The following CTNNA3 variants were observed in gnomAD, a reference collection of about 807,000 sequenced individuals.
The protein encoded by CTNNA3 is catenin alpha-3.
In CTNNA3, 76 loss-of-function variants were observed where a neutral mutation model predicts 95.7. The ratio of observed to expected loss-of-function variants is 0.79; its 90% confidence interval spans 0.66 to 0.96. The LOEUF is 0.96. Among genes scored for constraint, CTNNA3 ranks in the 40% least tolerant of loss-of-function variants. The pLI, the probability that CTNNA3 is intolerant of heterozygous loss-of-function variation, is 0.00. For synonymous variants in CTNNA3, 431 were observed against 374.4 expected (o/e 1.15, Z -1.74); for missense variants, 1,191 against 1,089.8 (o/e 1.09, Z -1.31).
At chr10:67,149,539 T>C (rs1860997646) in intron 7 of CTNNA3, among the ~76,000 whole-genome samples, 1 of 152,144 alleles carries the variant, frequency 6.6e-6, no homozygotes, top group Admixed American at 6.6e-5. Context: ...GAGCCGAGAT[T>C]GCGCCACTGC....
chr10:66,304,544 T>A lies in CTNNA3; in HGVS notation c.1733-23923A>T, dbSNP rs147303264. ...CACTAATAATCCATACGCTCATCAGTAGTACAATAAATATATTTCGATACA... is the reference window on the plus strand; with the variant it reads ...CACTAATAATCCATACGCTCATCAGAAGTACAATAAATATATTTCGATACA... On this transcript the variant is annotated intron_variant, in intron 12 of 17. Coordinates refer to ENST00000433211, the MANE Select transcript of CTNNA3 (RefSeq NM_013266.4). Among the ~76,000 whole-genome samples the A allele has an allele frequency of 2.4e-3, 363 of 152,240 alleles. 4 individuals are homozygous for A. Among genetic ancestry groups the A allele is most frequent in the African/African-American group, 8.4e-3 (351 of 41,550 alleles).
chr10:66,904,782 A>C (rs954227153), intron 7 of CTNNA3, among the ~76,000 whole-genome samples: 5 of 152,248 alleles, frequency 3.3e-5, no homozygotes, highest in Admixed American at 6.5e-5. Context: ...GCTCATCATC[A>C]CTGGTCATCA....
At chr10:66,080,644 G>C (rs2080720316) in intron 14 of CTNNA3, among the ~76,000 whole-genome samples, 1 of 152,102 alleles carries the variant, frequency 6.6e-6, no homozygotes. Context: ...TTCACTGACT[G>C]AGTTAAACAG....
intron 9 of CTNNA3, among the ~76,000 whole-genome samples, chr10:66,643,530 C>G (rs1845588130): frequency 6.6e-6 from 1 of 152,170 alleles, no homozygotes; most frequent in African/African-American, 2.4e-5. Context: ...AATATCATTA[C>G]TAACCCCAAC....
intron 17 of CTNNA3, 38 bp from the exon 18 acceptor site, chr10:65,920,655 G>A: frequency 6.3e-7 from 1 of 1,591,470 alleles, no homozygotes; most frequent in African/African-American, 1.4e-5. Flanking sequence ...TATTATTCCA[G>A]GAGGTTTTGT....
At chr10:66,235,415 T>G (rs1277877215) in intron 13 of CTNNA3, among the ~76,000 whole-genome samples, 1 of 151,144 alleles carries the variant, frequency 6.6e-6, no homozygotes, top group Non-Finnish European at 1.5e-5. Context: ...TAAGATATAA[T>G]ACCAACTTAT....
chr10:66,707,718 A>G (rs1284162395), intron 9 of CTNNA3, among the ~76,000 whole-genome samples: 2 of 152,128 alleles, frequency 1.3e-5, no homozygotes, highest in African/African-American at 4.8e-5. Context: ...AATAAGTGAC[A>G]AGGTGGTAGA....
chr10:66,445,207 C>A, intron 11 of CTNNA3, among the ~76,000 whole-genome samples: 1 of 151,744 alleles, frequency 6.6e-6, no homozygotes, highest in East Asian at 1.9e-4. Flanking sequence ...ACTTAGACTC[C>A]CACACAATAA....
In CTNNA3 at chr10:67,564,677, GTATATATATATATATATATATATATA is replaced by G. The variant is rs71006151; in HGVS notation, c.293-25034_293-25009del. Among the ~76,000 whole-genome samples the G allele has an allele frequency of 3.1e-4, 19 of 61,308 alleles. 1 individual carries two copies. The South Asian group carries it at 4.1e-3, about 13-fold the overall frequency. 40.2% of individuals were successfully genotyped at this position (61,308 alleles called of 152,430 possible). Reference sequence around the variant, plus strand: ...TATATGCATATATGTGTGTGTGTGTGTATATATATATATATATATATATATATATATATATATATATCACTATGATC... The same window carrying G: ...TATATGCATATATGTGTGTGTGTGTGTATATATATATATATCACTATGATC... On this transcript the variant is annotated intron_variant, in intron 3 of 17. Coordinates refer to ENST00000433211, the MANE Select transcript of CTNNA3 (RefSeq NM_013266.4).
chr10:65,933,568 G>T (rs1425664908), intron 17 of CTNNA3, among the ~76,000 whole-genome samples: 1 of 152,144 alleles, frequency 6.6e-6, no homozygotes, highest in Non-Finnish European at 1.5e-5. Flanking sequence ...AAACATTTGA[G>T]ATTGTCTTCT....
chr10:67,087,428 TCAC>T (rs899533099), intron 7 of CTNNA3, among the ~76,000 whole-genome samples: 4 of 151,930 alleles, frequency 2.6e-5, no homozygotes, highest in African/African-American at 9.7e-5. Context: ...AGGGGGAAAA[TCAC>T]CAAATTAAGG....
intron 7 of CTNNA3, among the ~76,000 whole-genome samples, chr10:67,100,367 A>C (rs1728312249): frequency 6.6e-6 from 1 of 151,794 alleles, no homozygotes; most frequent in Admixed American, 6.6e-5. Flanking sequence ...GCAAGAAAAA[A>C]AATGCTGGAT....
chr10:66,494,082 A>C (rs1241922217), intron 11 of CTNNA3, among the ~76,000 whole-genome samples: 1 of 148,198 alleles, frequency 6.7e-6, no homozygotes, highest in Non-Finnish European at 1.5e-5. Flanking sequence ...TAATTTTTGT[A>C]TTTTTAGTAG....
intron 7 of CTNNA3, among the ~76,000 whole-genome samples, chr10:67,036,421 T>C (rs1395444243): frequency 1.3e-5 from 2 of 152,024 alleles, no homozygotes; most frequent in African/African-American, 4.8e-5. Flanking sequence ...ACCCCAGCAC[T>C]TTGGAAGGCT....
chr10:67,255,809 T>C (rs2132373645), intron 5 of CTNNA3, among the ~76,000 whole-genome samples: 1 of 152,298 alleles, frequency 6.6e-6, no homozygotes, highest in South Asian at 2.1e-4. Flanking sequence ...TTTGATCCCA[T>C]TATATTGTGC....
At chr10:66,210,751 T>TA (rs1346241958) in intron 13 of CTNNA3, among the ~76,000 whole-genome samples, 1 of 152,134 alleles carries the variant, frequency 6.6e-6, no homozygotes, top group Non-Finnish European at 1.5e-5. Context: ...GCAAATGGAG[T>TA]AAACAACAAA....
intron 15 of CTNNA3, among the ~76,000 whole-genome samples, chr10:65,998,213 C>G (rs1035762564): frequency 6.6e-6 from 1 of 152,066 alleles, no homozygotes; most frequent in Non-Finnish European, 1.5e-5. Flanking sequence ...CATTTTGATA[C>G]AAGAACAGCA....
At position 66,359,198 on chromosome 10, in the gene CTNNA3, T is replaced by C. The variant is rs376424487; in HGVS notation, c.1732+19954A>G. 2.1e-4 allele frequency among the ~76,000 whole-genome samples: 32 copies of C among 152,320 alleles called. No individual in the cohort carries two copies. The South Asian group carries it at 6.6e-3, about 32-fold the overall frequency. ...TCCAGACACTTATATGATGAGAAGC[T>C]GGAGACAGTTTTACAGGCTCCTCAC... is the stretch of plus-strand genomic sequence containing the variant. On this transcript the variant is annotated intron_variant, in intron 12 of 17. Coordinates refer to ENST00000433211, the MANE Select transcript of CTNNA3 (RefSeq NM_013266.4).
At chr10:66,323,473 G>A (rs1813449419) in intron 12 of CTNNA3, among the ~76,000 whole-genome samples, 1 of 151,558 alleles carries the variant, frequency 6.6e-6, no homozygotes, top group African/African-American at 2.4e-5. Context: ...GTGAAAATTT[G>A]TCTCTACTAA....
Sources: allele counts gnomAD v4.1 joint callset (sites outside exome capture counted in the v4.1 genomes callset), GRCh38; gene constraint gnomAD v4.1.1; transcripts MANE v1.5; gene names NCBI Gene and HGNC (gene_info 2026-07-23, HGNC 2026-07-21).